Variants in FASLG observed in about 807,000 individuals in gnomAD.
FASLG encodes the protein Fas ligand.
Under a neutral mutation model 24.6 loss-of-function variants are expected in FASLG, and 9 were observed. The observed-to-expected ratio is 0.37, with a 90% CI of 0.22 to 0.64. FASLG has a LOEUF of 0.64. Among genes scored for constraint, FASLG ranks in the 30% least tolerant of loss-of-function variants. The pLI is 0.64. For synonymous variants in FASLG, 130 were observed against 135.5 expected (o/e 0.96, Z 0.28); for missense variants, 306 against 345.3 (o/e 0.89, Z 0.90).
rs749551046 is a variant in FASLG, at chr1:172,659,326, A to G, written c.125A>G (p.Gln42Arg). 6.2e-7 allele frequency: 1 copy of G among 1,613,614 alleles called. No homozygotes were observed. Among genetic ancestry groups the G allele is most frequent in the Non-Finnish European group, 8.5e-7 (1 of 1,179,872 alleles). Residue 42 changes from glutamine (Q) to arginine (R), a missense_variant, in exon 1 of 4, where the codon CAA becomes CGA. Physicochemically the swap from Gln to Arg is conservative, Grantham distance 43. Coordinates refer to ENST00000367721, the MANE Select transcript of FASLG (RefSeq NM_000639.3). ...CPTSVPRRPG[Q>R]RRPPPPPPPP... ...ACCTCTGTGCCCAGAAGGCCTGGTC[A>G]AAGGAGGCCACCACCACCACCGCCA... is the stretch of plus-strand genomic sequence containing the variant.
At chr1:172,664,006 C>T (rs948492129) in intron 2 of FASLG, among the ~76,000 whole-genome samples, 1 of 152,138 alleles carries the variant, frequency 6.6e-6, no homozygotes, top group Admixed American at 6.5e-5. Context: ...GACAATAATA[C>T]CTACCTCAAA....
In FASLG at chr1:172,666,362, G is replaced by A. The variant is rs1659266818; in HGVS notation, c.*346G>A. ...CCTTTTAACTCACCTCTCAAGGTGG[G>A]CCTTGCTACCTCAAGGGGGACTGTC... On this transcript the variant is annotated 3_prime_UTR_variant, in exon 4 of 4. Transcript: ENST00000367721. 1 of 250,600 alleles carries A rather than the reference G, an allele frequency of 4.0e-6. No individual in the cohort carries two copies. Among genetic ancestry groups the A allele is most frequent in the Non-Finnish European group, 7.9e-6 (1 of 126,426 alleles). The allele number at this position is 250,600 out of a possible 1,614,324, so 15.5% of individuals were successfully genotyped here.
chr1:172,661,231 A>G (rs1659131132), intron 2 of FASLG, among the ~76,000 whole-genome samples: 1 of 152,134 alleles, frequency 6.6e-6, no homozygotes, highest in South Asian at 2.1e-4. Context: ...TCATCCTTAG[A>G]AACTCAGAAT....
At chr1:172,665,563 C>T in intron 3 of FASLG, 59 bp from the exon 4 acceptor site, 1 of 1,594,778 alleles carries the variant, frequency 6.3e-7, no homozygotes. Context: ...GCCTTAGAAA[C>T]TTAGTTTGTT....
chr1:172,659,831 TA>T (rs1398119343), intron 1 of FASLG, among the ~76,000 whole-genome samples: 1 of 152,014 alleles, frequency 6.6e-6, no homozygotes, highest in Non-Finnish European at 1.5e-5. Context: ...ATTTAAGGAG[TA>T]AAAAACAAAC....
At position 172,665,636 on chromosome 1, in the gene FASLG, A is replaced by T; in HGVS notation, c.466A>T (p.Arg156Trp). Residue 156 changes from arginine to tryptophan, a missense_variant, in exon 4 of 4, where the codon AGG (arginine) becomes TGG (tryptophan). Transcript: ENST00000367721. ...VAHLTGKSNS[R>W]SMPLEWEDTY... ...ATTTATTTCAGGCAAGTCCAACTCAAGGTCCATGCCTCTGGAATGGGAAGA... is the reference window on the plus strand; with the variant it reads ...ATTTATTTCAGGCAAGTCCAACTCATGGTCCATGCCTCTGGAATGGGAAGA... 6.2e-7 allele frequency: 1 copy of T among 1,613,628 alleles called. No individual in the cohort carries two copies. The highest frequency in any genetic ancestry group is 8.5e-7 in the Non-Finnish European group (1 of 1,180,038).
In FASLG at chr1:172,659,273, C is replaced by A. The variant is rs182516315; in HGVS notation, c.72C>A (p.Ala24=). 6.2e-6 allele frequency: 10 copies of A among 1,614,152 alleles called. No homozygotes were observed. The highest frequency in any genetic ancestry group is 8.5e-6 in the Non-Finnish European group (10 of 1,180,012). Reference sequence around the variant, plus strand: ...ACAGCAGTGCCAGCTCTCCCTGGGCCCCTCCAGGCACAGTTCTTCCCTGTC... The same window carrying A: ...ACAGCAGTGCCAGCTCTCCCTGGGCACCTCCAGGCACAGTTCTTCCCTGTC... The part of the protein sequence containing the change: ...WVDSSASSPW[A]PPGTVLPCPT... The change falls in exon 1 of 4, where the codon GCC becomes GCA. Residue 24 remains alanine (A), a synonymous_variant. Coordinates refer to ENST00000367721, the MANE Select transcript of FASLG (RefSeq NM_000639.3).
At chr1:172,661,001 A>G (rs950959433) in intron 2 of FASLG, among the ~76,000 whole-genome samples, 1 of 152,220 alleles carries the variant, frequency 6.6e-6, no homozygotes, top group East Asian at 1.9e-4. Context: ...TTTTTGGAAG[A>G]GAAACAAAAT....
rs749237778 is a variant in FASLG at position 172,659,342 on chromosome 1, ACCACCG to A, written c.153_158del (p.Pro52_Pro53del). 28 of 1,610,614 alleles carry A rather than the reference ACCACCG, an allele frequency of 1.7e-5. No individual in the cohort carries two copies. Among genetic ancestry groups the A allele is most frequent in the Non-Finnish European group, 1.9e-5 (22 of 1,178,684 alleles). On this transcript the variant is annotated inframe_deletion, in exon 1 of 4. Transcript: ENST00000367721. The stretch of plus-strand genomic sequence containing the variant: ...GGCCTGGTCAAAGGAGGCCACCACC[ACCACCG>A]CCACCGCCACCACTACCACCTCCGC...
At position 172,664,341 on chromosome 1, in the gene FASLG, C is replaced by T. The variant is rs143306673; in HGVS notation, c.402C>T (p.Pro134=). ...ASSLEKQIGH[P]SPPPEKKELR... is the part of the protein sequence containing the mutation. ...CCTCTCTCTATGATACAGGCCACCC[C>T]AGTCCACCCCCTGAAAAAAAGGAGC... is the stretch of plus-strand genomic sequence containing the variant. The change falls in exon 3 of 4, where the codon CCC becomes CCT. Residue 134 remains proline, a synonymous_variant. Coordinates refer to ENST00000367721, the MANE Select transcript of FASLG (RefSeq NM_000639.3). 4 of 1,613,806 alleles carry T rather than the reference C, an allele frequency of 2.5e-6. No individual in the cohort carries two copies. The African/African-American group carries it at 4.0e-5, about 16-fold the overall frequency.
Position 172,663,806 on chromosome 1 carries a change from C to T in FASLG, c.395-528C>T, listed in dbSNP as rs1260850079. ...ATGTCACTGGGGGAAGATCTGGTGA[C>T]ACGCAGACAGATCAGTAGTCTTCTT... On this transcript the variant is annotated intron_variant, in intron 2 of 3. Coordinates refer to ENST00000367721, the MANE Select transcript of FASLG (RefSeq NM_000639.3). 7.2e-5 allele frequency among the ~76,000 whole-genome samples: 11 copies of T among 152,156 alleles called. No individual in the cohort carries two copies. In the East Asian group the frequency reaches 2.1e-3, roughly 29 times the overall value.
chr1:172,661,165 A>C (rs1403005948), intron 2 of FASLG, among the ~76,000 whole-genome samples: 1 of 152,190 alleles, frequency 6.6e-6, no homozygotes, highest in African/African-American at 2.4e-5. Flanking sequence ...TGTAGTGAGC[A>C]TGGAATAAGA....
In FASLG at chr1:172,659,235, A is replaced by T; in HGVS notation, c.34A>T (p.Ile12Phe). Residue 12 changes from isoleucine to phenylalanine, a missense_variant, in exon 1 of 4, where the codon ATC becomes TTC. Physicochemically the swap from Ile to Phe is conservative, Grantham distance 21. Transcript: ENST00000367721. ...GCCCTTCAATTACCCATATCCCCAG[A>T]TCTACTGGGTGGACAGCAGTGCCAG... Reference protein sequence around the residue: ...QQPFNYPYPQIYWVDSSASSP... With the variant: ...QQPFNYPYPQFYWVDSSASSP... The T allele has an allele frequency of 6.2e-7, 1 of 1,614,068 alleles. No individual in the cohort carries two copies. The highest frequency in any genetic ancestry group is 8.5e-7 in the Non-Finnish European group (1 of 1,180,004).
At chr1:172,665,519 T>G in intron 3 of FASLG, 103 bp from the exon 4 acceptor site, 1 of 1,342,340 alleles carries the variant, frequency 7.4e-7, no homozygotes, top group Non-Finnish European at 1.0e-6. Flanking sequence ...TCATTCTGGG[T>G]GAAACATTTG....
At chr1:172,664,749 C>T (rs1009140983) in intron 3 of FASLG, among the ~76,000 whole-genome samples, 2 of 152,130 alleles carry the variant, frequency 1.3e-5, no homozygotes, top group African/African-American at 4.8e-5. Flanking sequence ...TCAGTGCTTT[C>T]TTGGTTTTCT....
At chr1:172,659,675 G>A (rs1245749253) in intron 1 of FASLG, 126 bp downstream of exon 1, 31 of 1,386,332 alleles carry the variant, frequency 2.2e-5, no homozygotes, top group Middle Eastern at 5.2e-4. Flanking sequence ...GGTTGTTCTA[G>A]TTATTCTATT....
intron 2 of FASLG, among the ~76,000 whole-genome samples, chr1:172,661,238 G>C (rs985069653): frequency 6.6e-6 from 1 of 152,198 alleles, no homozygotes. Context: ...TAGAAACTCA[G>C]AATAAAGAAG....
At chr1:172,664,531 C>T (rs1659210637) in intron 3 of FASLG, 141 bp downstream of exon 3, 1 of 815,346 alleles carries the variant, frequency 1.2e-6, no homozygotes. Flanking sequence ...TAACACTTTT[C>T]TTGTCGAGTC....
At chr1:172,661,600 G>A (rs1405020231) in intron 2 of FASLG, among the ~76,000 whole-genome samples, 3 of 152,136 alleles carry the variant, frequency 2.0e-5, no homozygotes, top group South Asian at 2.1e-4. Flanking sequence ...ATGATCAGGT[G>A]AGTCAGATCC....
Sources: gnomAD v4.1 joint callset for allele counts (sites outside exome capture counted in the v4.1 genomes callset) on GRCh38, gnomAD v4.1.1 for gene constraint, MANE v1.5 for transcripts, NCBI Gene and HGNC (gene_info 2026-07-23, HGNC 2026-07-21) for gene names.